The following TEAD1 variants were observed in gnomAD, a reference collection of about 807,000 sequenced individuals.
TEAD1 encodes TEA domain transcription factor 1.
Under a neutral mutation model 54.9 loss-of-function variants are expected in TEAD1, and 9 were observed. That is an observed-to-expected ratio of 0.16 (90% CI 0.10 to 0.29). The LOEUF is 0.29. TEAD1 is among the 10% of genes least tolerant of loss of function. The pLI is 1.00. For synonymous variants in TEAD1, 200 were observed against 187.8 expected (o/e 1.07, Z -0.53); for missense variants, 387 against 535.9 (o/e 0.72, Z 2.74).
intron 2 of TEAD1, among the ~76,000 whole-genome samples, chr11:12,757,541 C>T (rs1945007850): frequency 6.6e-6 from 1 of 152,160 alleles, no homozygotes; most frequent in Non-Finnish European, 1.5e-5. Flanking sequence ...TTGGATCAGC[C>T]ACCCAACTCT....
At chr11:12,809,800 GC>G (rs942963142) in intron 3 of TEAD1, among the ~76,000 whole-genome samples, 50 of 152,224 alleles carry the variant, frequency 3.3e-4, no homozygotes, top group African/African-American at 1.1e-3. Flanking sequence ...CTTGGCTTTA[GC>G]TGTGGCCAGA....
chr11:12,888,031 CA>C (rs1464319246), intron 9 of TEAD1, among the ~76,000 whole-genome samples: 1 of 151,996 alleles, frequency 6.6e-6, no homozygotes, highest in Admixed American at 6.5e-5. Context: ...GTAGTGCTGG[CA>C]AAAAAAGAAA....
At chr11:12,878,954 T>C (rs1947911491) in intron 5 of TEAD1, 1 of 1,250,230 alleles carries the variant, frequency 8.0e-7, no homozygotes, top group Admixed American at 2.7e-5. Context: ...CTTGGCAGAC[T>C]TTTTTGGCTA....
chr11:12,915,715 A>G lies in TEAD1; in HGVS notation c.874-9197A>G, dbSNP rs1002550112. Among the ~76,000 whole-genome samples the G allele has an allele frequency of 3.3e-5, 5 of 152,140 alleles. No individual in the cohort carries two copies. In the East Asian group the frequency reaches 9.7e-4, roughly 29 times the overall value. The stretch of plus-strand genomic sequence containing the variant: ...AATACAAAAATTAGTGTGGTGGCGC[A>G]CATCTGTAATCCCAGCTACTTGGGA... On this transcript the variant is annotated intron_variant, in intron 10 of 12. Coordinates refer to ENST00000527636, the MANE Select transcript of TEAD1 (RefSeq NM_021961.6).
intron 3 of TEAD1, among the ~76,000 whole-genome samples, chr11:12,798,144 T>C (rs1945975586): frequency 6.6e-6 from 1 of 152,194 alleles, no homozygotes; most frequent in Non-Finnish European, 1.5e-5. Context: ...ACCTTTCCCA[T>C]AGTTGCCTCC....
At chr11:12,856,240 GC>G (rs1322408386) in intron 3 of TEAD1, among the ~76,000 whole-genome samples, 1 of 151,780 alleles carries the variant, frequency 6.6e-6, no homozygotes, top group Non-Finnish European at 1.5e-5. Flanking sequence ...TAAATGTTGA[GC>G]CACCTGAGAA....
chr11:12,868,479 G>A (rs1360760929), intron 5 of TEAD1, among the ~76,000 whole-genome samples: 1 of 152,158 alleles, frequency 6.6e-6, no homozygotes, highest in Non-Finnish European at 1.5e-5. Context: ...CCAGGAGAGA[G>A]TGGTCATTTG....
chr11:12,792,489 A>T (rs1945824877), intron 3 of TEAD1, among the ~76,000 whole-genome samples: 2 of 151,828 alleles, frequency 1.3e-5, no homozygotes, highest in African/African-American at 4.8e-5. Flanking sequence ...CTGTTTATTC[A>T]TGTCTGTATG....
chr11:12,817,351 A>G (rs1946437391), intron 3 of TEAD1, among the ~76,000 whole-genome samples: 1 of 152,220 alleles, frequency 6.6e-6, no homozygotes, highest in South Asian at 2.1e-4. Context: ...AATGGCCAGC[A>G]TTTGAGATTT....
chr11:12,892,850 T>A (rs1430292577), intron 9 of TEAD1, among the ~76,000 whole-genome samples: 1 of 152,210 alleles, frequency 6.6e-6, no homozygotes, highest in African/African-American at 2.4e-5. Context: ...TGGTTCCTGG[T>A]CCTTCAGAAA....
At chr11:12,828,814 C>T (rs1946711963) in intron 3 of TEAD1, among the ~76,000 whole-genome samples, 1 of 147,940 alleles carries the variant, frequency 6.8e-6, no homozygotes, top group Non-Finnish European at 1.5e-5. Context: ...TTCTGTATAG[C>T]CTTACTCCTG....
chr11:12,741,787 T>C (rs1167586328), intron 2 of TEAD1, among the ~76,000 whole-genome samples: 3 of 152,160 alleles, frequency 2.0e-5, no homozygotes, highest in African/African-American at 7.2e-5. Flanking sequence ...CTTGCAGTTG[T>C]GGTTCTGGGA....
chr11:12,800,637 A>T (rs981601964), intron 3 of TEAD1, among the ~76,000 whole-genome samples: 1 of 152,152 alleles, frequency 6.6e-6, no homozygotes, highest in African/African-American at 2.4e-5. Flanking sequence ...CGTAGAGGGG[A>T]CTGTAGGGAA....
chr11:12,784,157 G>A (rs1945625951), intron 3 of TEAD1, among the ~76,000 whole-genome samples: 1 of 152,150 alleles, frequency 6.6e-6, no homozygotes, highest in South Asian at 2.1e-4. Context: ...TAGATTAGGT[G>A]TATTAGAGAT....
At chr11:12,712,555 A>T (rs1943962372) in intron 2 of TEAD1, among the ~76,000 whole-genome samples, 1 of 152,196 alleles carries the variant, frequency 6.6e-6, no homozygotes, top group Non-Finnish European at 1.5e-5. Flanking sequence ...TTTGCAGATT[A>T]AGTTAAATAA....
intron 5 of TEAD1, among the ~76,000 whole-genome samples, chr11:12,877,918 C>G (rs1260918527): frequency 6.6e-6 from 1 of 151,968 alleles, no homozygotes; most frequent in African/African-American, 2.4e-5. Flanking sequence ...CCACCTCAGG[C>G]TCTTGAGTAG....
At chr11:12,830,413 G>A (rs1946748424) in intron 3 of TEAD1, among the ~76,000 whole-genome samples, 1 of 152,086 alleles carries the variant, frequency 6.6e-6, no homozygotes, top group Admixed American at 6.5e-5. Context: ...TAGGCAGCTT[G>A]AGTCTTGGCC....
intron 3 of TEAD1, among the ~76,000 whole-genome samples, chr11:12,825,229 T>A (rs72860845): frequency 0.028 from 4,257 of 152,234 alleles, 105 homozygotes; most frequent in Non-Finnish European, 0.042. Flanking sequence ...ATATTTAAAA[T>A]TGTACTGCAG....
At chr11:12,861,941 G>A (rs1223160282) in intron 3 of TEAD1, among the ~76,000 whole-genome samples, 2 of 151,354 alleles carry the variant, frequency 1.3e-5, no homozygotes, top group African/African-American at 2.4e-5. Flanking sequence ...AGCCAAGATC[G>A]TGCCATTGCA....
Sources: gnomAD v4.1 joint callset for allele counts (sites outside exome capture counted in the v4.1 genomes callset) on GRCh38, gnomAD v4.1.1 for gene constraint, MANE v1.5 for transcripts, NCBI Gene and HGNC (gene_info 2026-07-23, HGNC 2026-07-21) for gene names.